USP25: variants seen among roughly 807,000 people sequenced by gnomAD.
USP25 encodes the protein ubiquitin specific peptidase 25.
Under a neutral mutation model 158.5 loss-of-function variants are expected in USP25, and 85 were observed. The ratio of observed to expected loss-of-function variants is 0.54; its 90% CI spans 0.45 to 0.64. The LOEUF is 0.64. Among genes scored for constraint, USP25 ranks in the 30% least tolerant of loss-of-function variants. The pLI, the probability that USP25 is intolerant of heterozygous loss-of-function variation, is 0.00. For synonymous variants in USP25, 464 were observed against 460.4 expected (o/e 1.01, Z -0.10); for missense variants, 1,242 against 1,327.3 (o/e 0.94, Z 1.00).
chr21:15,825,868 T>C (rs1313384760), intron 12 of USP25, among the ~76,000 whole-genome samples: 3 of 152,186 alleles, frequency 2.0e-5, no homozygotes, highest in African/African-American at 7.2e-5. Flanking sequence ...ATCACTGTCT[T>C]GATCATGAGA....
At chr21:15,807,472 G>A (rs1303339138) in intron 7 of USP25, among the ~76,000 whole-genome samples, 1 of 152,180 alleles carries the variant, frequency 6.6e-6, no homozygotes, top group African/African-American at 2.4e-5. Context: ...AAATGGAGTG[G>A]TTAAAAACAA....
chr21:15,745,607 C>T (rs1293118007), intron 1 of USP25, among the ~76,000 whole-genome samples: 1 of 151,332 alleles, frequency 6.6e-6, no homozygotes, highest in Non-Finnish European at 1.5e-5. Context: ...TCCTGAGTAG[C>T]TGGGATTACA....
At chr21:15,874,284 T>C in intron 23 of USP25, 119 bp from the exon 24 acceptor site, 1 of 924,402 alleles carries the variant, frequency 1.1e-6, no homozygotes, top group South Asian at 1.9e-5. Flanking sequence ...ATGATATTTT[T>C]TATTATAATG....
chr21:15,844,229 A>G (rs1176434251), intron 18 of USP25, among the ~76,000 whole-genome samples: 1 of 152,146 alleles, frequency 6.6e-6, no homozygotes, highest in Non-Finnish European at 1.5e-5. Context: ...CATGGTAACT[A>G]CTTCATAGCG....
chr21:15,874,351 G>C (rs1486444873), intron 23 of USP25, 52 bp from the exon 24 acceptor site: 1 of 1,480,802 alleles, frequency 6.8e-7, no homozygotes, highest in Non-Finnish European at 9.2e-7. Context: ...AGCTGACTTT[G>C]TTTCTACAAA....
chr21:15,803,675 C>T (rs2036239264), intron 6 of USP25, among the ~76,000 whole-genome samples: 1 of 151,802 alleles, frequency 6.6e-6, no homozygotes, highest in African/African-American at 2.4e-5. Flanking sequence ...GGGAATGTCT[C>T]AAAAAACTGC....
Position 15,826,188 on chromosome 21 carries a change from A to C in USP25, c.1305-16A>C. ...TATATAGAAATAAAAGCATTTGTAC[A>C]TTTTATGATTAACAGATATTTAAGC... On this transcript the variant is annotated splice_polypyrimidine_tract_variant and intron_variant, in intron 12 of 25. Coordinates refer to ENST00000400183, the MANE Select transcript of USP25 (RefSeq NM_001283041.3). The surrounding 1 kb of genome is among the most constrained non-coding windows in gnomAD (Gnocchi z 4.8). 3 of 1,612,916 alleles carry C rather than the reference A, an allele frequency of 1.9e-6. No homozygotes were observed. The highest frequency in any genetic ancestry group is 2.5e-6 in the Non-Finnish European group (3 of 1,179,272).
At chr21:15,733,277 C>T (rs2031146392) in intron 1 of USP25, among the ~76,000 whole-genome samples, 2 of 151,588 alleles carry the variant, frequency 1.3e-5, no homozygotes, top group Non-Finnish European at 2.9e-5. Context: ...TAAATGTATC[C>T]TTCTGAGTTG....
chr21:15,822,478 C>G (rs1394734731), intron 10 of USP25, among the ~76,000 whole-genome samples: 2 of 151,800 alleles, frequency 1.3e-5, no homozygotes, highest in Non-Finnish European at 1.5e-5. Flanking sequence ...CAGTTTGGGT[C>G]ATTTCATTTC....
chr21:15,740,683 C>G (rs139072768), intron 1 of USP25, among the ~76,000 whole-genome samples: 208 of 85,292 alleles, frequency 2.4e-3, no homozygotes, highest in African/African-American at 8.0e-3. Flanking sequence ...TTGGTATGTG[C>G]GTGTGTATTT....
chr21:15,778,315 C>G (rs1380460468), intron 4 of USP25, among the ~76,000 whole-genome samples: 1 of 151,890 alleles, frequency 6.6e-6, no homozygotes, highest in Non-Finnish European at 1.5e-5. Context: ...TTTGGATGCA[C>G]TGTCCAATTT....
intron 5 of USP25, among the ~76,000 whole-genome samples, chr21:15,795,607 A>G (rs890113310): frequency 6.6e-6 from 1 of 151,458 alleles, no homozygotes; most frequent in African/African-American, 2.4e-5. Flanking sequence ...ATCAGTTTAC[A>G]TGTTTTTACT....
chr21:15,749,114 A>G (rs2032796593), intron 1 of USP25, among the ~76,000 whole-genome samples: 1 of 152,072 alleles, frequency 6.6e-6, no homozygotes, highest in South Asian at 2.1e-4. Flanking sequence ...AGCAGGATAC[A>G]CTTGCTGTGA....
At chr21:15,730,486 G>C (rs759617066) in intron 1 of USP25, 48 bp downstream of exon 1, 268 of 1,316,998 alleles carry the variant, frequency 2.0e-4, no homozygotes, top group Admixed American at 1.1e-3. Flanking sequence ...CTTCCGACGG[G>C]CTGTCCTCTC....
intron 14 of USP25, among the ~76,000 whole-genome samples, chr21:15,827,551 A>C (rs1294006972): frequency 6.6e-6 from 1 of 152,188 alleles, no homozygotes; most frequent in East Asian, 1.9e-4. Flanking sequence ...ATTAGGTACT[A>C]AATCTAAGTT....
At position 15,827,140 on chromosome 21, in the gene USP25, G is replaced by C. The variant is rs1251504252; in HGVS notation, c.1630G>C (p.Glu544Gln). The C allele has an allele frequency of 1.2e-6, 2 of 1,614,078 alleles. No individual in the cohort carries two copies. The highest frequency in any genetic ancestry group is 1.7e-6 in the Non-Finnish European group (2 of 1,180,030). ...HPAPRHITEEELSVLESCLHR... is the reference protein window; with the variant it reads ...HPAPRHITEEQLSVLESCLHR... ...GGCACCAAGGCACATAACGGAGGAA[G>C]AACTTTCTGTGCTGGAAAGTTGTTT... The change falls in exon 14 of 26, where the codon GAA becomes CAA. Residue 544 changes from glutamate (E) to glutamine (Q), a missense_variant. Glu to Gln is a conservative substitution (Grantham distance 29, BLOSUM62 2). Around this residue, in one of 3 missense-constraint regions of USP25, gnomAD observed 627 missense variants for 701.4 expected, o/e 0.89. Transcript: ENST00000400183.
Position 15,842,415 on chromosome 21 carries a change from C to G in USP25, c.2212C>G (p.Pro738Ala), listed in dbSNP as rs143262192. Residue 738 changes from proline to alanine, a missense_variant, in exon 18 of 26, where the codon CCA (proline) becomes GCA (alanine). Pro to Ala is a conservative substitution (Grantham distance 27). Coordinates refer to ENST00000400183, the MANE Select transcript of USP25 (RefSeq NM_001283041.3). ...SVTTAQAAGDPEYLEQPSRSD... is the reference protein window; with the variant it reads ...SVTTAQAAGDAEYLEQPSRSD... Reference sequence around the variant, plus strand: ...TCATGAAGCACAAGCAGCAGGAGACCCAGAATATCTAGAGCAGCCATCAAG... The same window carrying G: ...TCATGAAGCACAAGCAGCAGGAGACGCAGAATATCTAGAGCAGCCATCAAG... 4 of 1,612,936 alleles carry G rather than the reference C, an allele frequency of 2.5e-6. No individual in the cohort carries two copies. Among genetic ancestry groups the G allele is most frequent in the African/African-American group, 1.3e-5 (1 of 74,770 alleles).
intron 9 of USP25, among the ~76,000 whole-genome samples, chr21:15,812,979 T>G (rs143653510): frequency 6.6e-6 from 1 of 152,050 alleles, no homozygotes; most frequent in Non-Finnish European, 1.5e-5. Flanking sequence ...TGTACTTCAC[T>G]CCTTCCTTTT....
chr21:15,878,423 G>T lies in USP25; in HGVS notation c.3326G>T (p.Arg1109Leu). ...TATTCCACGCATGAACTCTGTGAGCGATTTGCCCGAATCATGTTGTCCCTC... is the reference window on the plus strand; with the variant it reads ...TATTCCACGCATGAACTCTGTGAGCTATTTGCCCGAATCATGTTGTCCCTC... The part of the protein sequence containing the change: ...PSYSTHELCE[R>L]FARIMLSLSR... The change falls in exon 26 of 26, where the codon CGA (arginine) becomes CTA (leucine). Residue 1109 changes from arginine to leucine, a missense_variant. Physicochemically the swap from Arg to Leu is moderately radical, Grantham distance 102. Coordinates refer to ENST00000400183, the MANE Select transcript of USP25 (RefSeq NM_001283041.3). 1 of 1,614,012 alleles carries T rather than the reference G, an allele frequency of 6.2e-7. No homozygotes were observed. The highest frequency in any genetic ancestry group is 8.5e-7 in the Non-Finnish European group (1 of 1,179,924).
Sources: allele counts gnomAD v4.1 joint callset (sites outside exome capture counted in the v4.1 genomes callset), GRCh38; gene constraint gnomAD v4.1.1; regional missense constraint gnomAD v4.1.1; non-coding constraint Gnocchi (gnomAD v3.1); transcripts MANE v1.5; gene names NCBI Gene and HGNC (gene_info 2026-07-23, HGNC 2026-07-21).